Variants in TENM4 observed in about 807,000 individuals in gnomAD.
TENM4 encodes teneurin-4.
Under a neutral mutation model 243.3 loss-of-function variants are expected in TENM4, and 82 were observed. The observed-to-expected ratio is 0.34, with a 90% CI of 0.28 to 0.40. The LOEUF is 0.40. Ranked by LOEUF, TENM4 falls within the 10% of genes least tolerant of loss-of-function variation. The pLI, the probability that TENM4 is intolerant of heterozygous loss-of-function variation, is 1.00. For missense variants in TENM4, 3,138 were observed against 3,673.3 expected (o/e 0.85, Z 3.77); for synonymous variants, 1,412 against 1,456.3 (o/e 0.97, Z 0.69).
intron 4 of TENM4, among the ~76,000 whole-genome samples, chr11:79,092,645 CT>C (rs1262811550): frequency 2.0e-5 from 3 of 152,218 alleles, no homozygotes; most frequent in Non-Finnish European, 4.4e-5. Context: ...TCTCTTCATT[CT>C]TATCCCCTGC....
intron 6 of TENM4, among the ~76,000 whole-genome samples, chr11:78,982,579 G>A (rs1857823839): frequency 6.6e-6 from 1 of 152,080 alleles, no homozygotes; most frequent in South Asian, 2.1e-4. Context: ...ACCCCCAATA[G>A]GCCCTGTGGC....
At chr11:79,239,195 G>A (rs1290757337) in intron 2 of TENM4, among the ~76,000 whole-genome samples, 1 of 152,230 alleles carries the variant, frequency 6.6e-6, no homozygotes, top group East Asian at 1.9e-4. Context: ...CCTCCACAGA[G>A]CCTTGTGCTC....
chr11:79,315,581 G>T (rs912204358), intron 1 of TENM4, among the ~76,000 whole-genome samples: 6 of 152,334 alleles, frequency 3.9e-5, no homozygotes, highest in South Asian at 4.1e-4. Flanking sequence ...GTGGTCTGTA[G>T]ACACACGGCA....
At chr11:78,887,490 T>C (rs1390911992) in intron 9 of TENM4, among the ~76,000 whole-genome samples, 5 of 152,258 alleles carry the variant, frequency 3.3e-5, no homozygotes, top group African/African-American at 1.2e-4. Flanking sequence ...TATTTAACCC[T>C]GGCACTTAGC....
intron 3 of TENM4, among the ~76,000 whole-genome samples, chr11:79,152,186 A>T (rs1862524379): frequency 6.6e-6 from 1 of 152,144 alleles, no homozygotes; most frequent in Admixed American, 6.6e-5. Flanking sequence ...ATGGTTCACA[A>T]ATATTAATAT....
In TENM4 at chr11:79,273,745, G is replaced by A. The variant is rs999208440; in HGVS notation, c.-265+23743C>T. ...GTTGGCTGGCTGTTCTGAAAGCCTC[G>A]TTAGCAGCATCCTGTAAATGCGCTG... On this transcript the variant is annotated intron_variant, in intron 2 of 33. Transcript: ENST00000278550. 3.9e-5 allele frequency among the ~76,000 whole-genome samples: 6 copies of A among 152,272 alleles called. No homozygotes were observed. The South Asian group carries it at 8.3e-4, about 21-fold the overall frequency.
intron 4 of TENM4, among the ~76,000 whole-genome samples, chr11:79,079,831 C>CAAA (rs34296723): frequency 0.015 from 1,692 of 114,538 alleles, 47 homozygotes; most frequent in African/African-American, 0.047. Context: ...CACTTTGTTT[C>CAAA]AAAAAAAAAA....
chr11:79,104,862 G>A (rs1456917455), intron 4 of TENM4, among the ~76,000 whole-genome samples: 1 of 152,166 alleles, frequency 6.6e-6, no homozygotes, highest in Non-Finnish European at 1.5e-5. Context: ...ATAGGAGGTG[G>A]GCTCATCTCC....
intron 6 of TENM4, among the ~76,000 whole-genome samples, chr11:78,926,749 A>G (rs1236335258): frequency 2.0e-5 from 3 of 151,878 alleles, no homozygotes; most frequent in Non-Finnish European, 1.5e-5. Context: ...GACACTTTGA[A>G]AAAGGACACA....
chr11:79,253,259 A>T (rs1385949062), intron 2 of TENM4, among the ~76,000 whole-genome samples: 5 of 152,042 alleles, frequency 3.3e-5, no homozygotes, highest in African/African-American at 1.2e-4. Context: ...TCAAACTCAC[A>T]CTCAGGGCCT....
rs551352379 is a variant in TENM4 at position 79,115,947 on chromosome 11, A to G, written c.-66+32763T>C. On this transcript the variant is annotated intron_variant, in intron 4 of 33. Transcript: ENST00000278550. ...GAGGCCCCAGATGGGCAGACAGGAG[A>G]GGCAGAATCTGGGGGAATTTTCTCT... is the stretch of plus-strand genomic sequence containing the variant. Among the ~76,000 whole-genome samples the G allele has an allele frequency of 6.6e-5, 10 of 152,312 alleles. No homozygotes were observed. In the East Asian group the frequency reaches 1.9e-3, roughly 29 times the overall value.
chr11:78,982,595 G>A lies in TENM4; in HGVS notation c.494-79072C>T, dbSNP rs186744944. Reference sequence around the variant, plus strand: ...CCCCCAATAGGCCCTGTGGCCCAGGGATGCATTCACACTCACTGGAAAGTT... The same window carrying A: ...CCCCCAATAGGCCCTGTGGCCCAGGAATGCATTCACACTCACTGGAAAGTT... On this transcript the variant is annotated intron_variant, in intron 6 of 33. Coordinates refer to ENST00000278550, the MANE Select transcript of TENM4 (RefSeq NM_001098816.3). Among the ~76,000 whole-genome samples the A allele has an allele frequency of 4.6e-5, 7 of 152,252 alleles. No individual in the cohort carries two copies. The East Asian group carries it at 1.4e-3, about 30-fold the overall frequency.
chr11:79,306,758 T>C (rs78325326), intron 1 of TENM4, among the ~76,000 whole-genome samples: 5,595 of 152,214 alleles, frequency 0.037, 316 homozygotes, highest in African/African-American at 0.12. Context: ...AACCAAGGCT[T>C]AGAGGGATTA....
chr11:78,894,606 A>G (rs947314422), intron 7 of TENM4, among the ~76,000 whole-genome samples: 2 of 151,992 alleles, frequency 1.3e-5, no homozygotes, highest in South Asian at 4.1e-4. Flanking sequence ...AGGGTGCCCC[A>G]GTCTCCTGAA....
intron 3 of TENM4, among the ~76,000 whole-genome samples, chr11:79,163,214 C>T (rs1291519764): frequency 6.6e-6 from 1 of 152,044 alleles, no homozygotes; most frequent in African/African-American, 2.4e-5. Context: ...GGGGAAGGGA[C>T]ATTTGTTGAG....
intron 23 of TENM4, among the ~76,000 whole-genome samples, chr11:78,725,446 C>T (rs935249689): frequency 1.2e-4 from 19 of 152,130 alleles, no homozygotes; most frequent in Non-Finnish European, 5.9e-5. Flanking sequence ...CACTCGCATG[C>T]GTTAGTCCCT....
chr11:79,224,794 T>C (rs1864230720), intron 2 of TENM4, among the ~76,000 whole-genome samples: 1 of 151,770 alleles, frequency 6.6e-6, no homozygotes, highest in Admixed American at 6.6e-5. Context: ...CTACTGAAAA[T>C]ATAAAAATTA....
intron 6 of TENM4, among the ~76,000 whole-genome samples, chr11:79,051,301 A>T (rs557323843): frequency 2.0e-5 from 3 of 152,304 alleles, no homozygotes; most frequent in South Asian, 4.1e-4. Context: ...CGAGGCATGG[A>T]GAGATGAAGA....
intron 6 of TENM4, among the ~76,000 whole-genome samples, chr11:79,049,161 C>A (rs1379702609): frequency 6.6e-6 from 1 of 152,150 alleles, no homozygotes; most frequent in South Asian, 2.1e-4. Context: ...GGGAGCAGCA[C>A]ACAGACAGTC....
Sources: gnomAD v4.1 joint callset for allele counts (sites outside exome capture counted in the v4.1 genomes callset) on GRCh38, gnomAD v4.1.1 for gene constraint, MANE v1.5 for transcripts, NCBI Gene and HGNC (gene_info 2026-07-23, HGNC 2026-07-21) for gene names.